RCN3: variants seen among roughly 807,000 people sequenced by gnomAD.
The protein encoded by RCN3 is reticulocalbin-3.
A neutral mutation model predicts 35.9 loss-of-function variants in RCN3; 41 were observed. That is an observed-to-expected ratio of 1.14 (90% CI 0.89 to 1.48). The LOEUF (loss-of-function observed/expected upper bound fraction) is 1.48. Among genes scored for constraint, RCN3 ranks in the 40% most tolerant of loss-of-function variants. The pLI is 0.00. For missense variants in RCN3, 451 were observed against 471.3 expected, an observed-to-expected ratio of 0.96 and a Z score of 0.40; for synonymous variants, 187 against 193.4, an observed-to-expected ratio of 0.97 and a Z score of 0.27.
At chr19:49,530,986 A>G (rs2080105954) in intron 2 of RCN3, among the ~76,000 whole-genome samples, 2 of 152,098 alleles carry the variant, frequency 1.3e-5, no homozygotes, top group Non-Finnish European at 2.9e-5. Flanking sequence ...GCTGGAACTC[A>G]GTGAGAAAGG....
At position 49,534,190 on chromosome 19, in the gene RCN3, T is replaced by C; in HGVS notation, c.243-3T>C. ...CCTGACGTGTGCCCGCCCCGGCTTCTAGGCGGATCGTGGACCGCATGGACC... is the reference window on the plus strand; with the variant it reads ...CCTGACGTGTGCCCGCCCCGGCTTCCAGGCGGATCGTGGACCGCATGGACC... On this transcript the variant is annotated splice_region_variant and splice_polypyrimidine_tract_variant and intron_variant, in intron 2 of 6. Transcript: ENST00000270645. 1 of 1,487,700 alleles carries C rather than the reference T, an allele frequency of 6.7e-7. No individual in the cohort carries two copies. 92.2% of individuals were successfully genotyped at this position (1,487,700 alleles called of 1,614,324 possible).
intron 6 of RCN3, 90 bp from the exon 7 acceptor site, chr19:49,543,016 T>A (rs2080170964): frequency 9.2e-7 from 1 of 1,084,302 alleles, no homozygotes; most frequent in South Asian, 1.3e-5. Flanking sequence ...AGAACAAGGG[T>A]CCCAGAGACT....
intron 1 of RCN3, 66 bp from the exon 2 acceptor site, chr19:49,528,401 A>G: frequency 7.2e-7 from 1 of 1,384,452 alleles, no homozygotes; most frequent in Non-Finnish European, 9.5e-7. Context: ...CCACCCCGCC[A>G]TTCTCCTATC....
Position 49,543,223 on chromosome 19 carries a change from A to G in RCN3, c.*10A>G, listed in dbSNP as rs781385119. The G allele has an allele frequency of 6.4e-7, 1 of 1,568,888 alleles. No homozygotes were observed. Among genetic ancestry groups the G allele is most frequent in the Admixed American group, 1.8e-5 (1 of 54,360 alleles). On this transcript the variant is annotated 3_prime_UTR_variant, in exon 7 of 7. Coordinates refer to ENST00000270645, the MANE Select transcript of RCN3 (RefSeq NM_020650.3). ...CCACGATGAGCTGTGAGCACCGCGC[A>G]CCTGCCACAGCCTCAGAGGCCCGCA...
chr19:49,532,597 C>T (rs536242350), intron 2 of RCN3, among the ~76,000 whole-genome samples: 26 of 152,304 alleles, frequency 1.7e-4, no homozygotes, highest in African/African-American at 6.0e-4. Flanking sequence ...TGGTCTGGAA[C>T]TCCTCACCTC....
At chr19:49,537,990 C>CTTT (rs771610301) in intron 4 of RCN3, among the ~76,000 whole-genome samples, 1 of 142,462 alleles carries the variant, frequency 7.0e-6, no homozygotes, top group South Asian at 2.2e-4. Context: ...TTTCCTTCCT[C>CTTT]TTTTTTTTTT....
At chr19:49,533,646 C>G (rs1314814189) in intron 2 of RCN3, among the ~76,000 whole-genome samples, 1 of 145,056 alleles carries the variant, frequency 6.9e-6, no homozygotes, top group Non-Finnish European at 1.5e-5. Context: ...CCACGGGGCT[C>G]AGCACAGGGC....
Position 49,528,482 on chromosome 19 carries a change from C to A in RCN3, c.10C>A (p.Arg4=). 6.6e-7 allele frequency: 1 copy of A among 1,506,732 alleles called. No homozygotes were observed. The highest frequency in any genetic ancestry group is 8.9e-7 in the Non-Finnish European group (1 of 1,127,496). The allele number at this position is 1,506,732 out of a possible 1,614,324, so 93.3% of individuals were successfully genotyped here. Residue 4 remains arginine (R), a synonymous_variant, in exon 2 of 7, where the codon CGA becomes AGA. Transcript: ENST00000270645. MMW[R]PSVLLLLLLL... ...CACTCCCCAGGGACCGATGATGTGGCGACCATCAGTTCTGCTGCTTCTGTT... is the reference window on the plus strand; with the variant it reads ...CACTCCCCAGGGACCGATGATGTGGAGACCATCAGTTCTGCTGCTTCTGTT...
chr19:49,535,108 TG>T (rs1362408457), intron 3 of RCN3, among the ~76,000 whole-genome samples: 9 of 152,090 alleles, frequency 5.9e-5, no homozygotes, highest in Non-Finnish European at 7.4e-5. Context: ...CTCCCCCTCC[TG>T]GGCCCCCAGG....
At chr19:49,535,252 G>A (rs1307121914) in intron 3 of RCN3, among the ~76,000 whole-genome samples, 1 of 151,974 alleles carries the variant, frequency 6.6e-6, no homozygotes, top group Non-Finnish European at 1.5e-5. Context: ...TGCCCATATT[G>A]TTCCCTCCAG....
At chr19:49,539,742 T>G (rs939000693) in intron 5 of RCN3, among the ~76,000 whole-genome samples, 2 of 120,142 alleles carry the variant, frequency 1.7e-5, no homozygotes, top group African/African-American at 7.7e-5. Flanking sequence ...TTTTTTTTTT[T>G]GAGACAGTTT....
rs773792781 is a variant in RCN3 at position 49,537,095 on chromosome 19, C to T, written c.508C>T (p.Arg170Trp). ...TYKKMLARDERRFRVADQDGD... is the reference protein window; with the variant it reads ...TYKKMLARDEWRFRVADQDGD... The stretch of plus-strand genomic sequence containing the variant: ...CAAAAAGATGCTGGCTCGGGACGAG[C>T]GGCGTTTCCGGGTGGCCGACCAGGA... Residue 170 changes from arginine to tryptophan, a missense_variant, in exon 4 of 7, where the codon CGG becomes TGG. Physicochemically the swap from Arg to Trp is moderately radical, Grantham distance 101. Transcript: ENST00000270645. 58 of 1,595,958 alleles carry T rather than the reference C, an allele frequency of 3.6e-5. No individual in the cohort carries two copies. The highest frequency in any genetic ancestry group is 1.7e-4 in the Middle Eastern group (1 of 6,028).
chr19:49,536,405 A>G (rs1185760876), intron 3 of RCN3, among the ~76,000 whole-genome samples: 1 of 149,250 alleles, frequency 6.7e-6, no homozygotes, highest in Admixed American at 6.8e-5. Flanking sequence ...GGTTCAAGCA[A>G]TTCTCCTGCC....
chr19:49,538,438 A>C (rs1408067093), intron 4 of RCN3, among the ~76,000 whole-genome samples: 1 of 150,050 alleles, frequency 6.7e-6, no homozygotes, highest in Non-Finnish European at 1.5e-5. Flanking sequence ...AAGTGCTGGG[A>C]TTACAGTTGT....
At chr19:49,529,227 A>G (rs908743847) in intron 2 of RCN3, among the ~76,000 whole-genome samples, 1 of 152,140 alleles carries the variant, frequency 6.6e-6, no homozygotes, top group Non-Finnish European at 1.5e-5. Context: ...GGGCAGCAAA[A>G]TCTGGGTTAG....
intron 2 of RCN3, among the ~76,000 whole-genome samples, chr19:49,529,723 T>TG (rs55928285): frequency 0.12 from 17,516 of 151,752 alleles, 1,237 homozygotes; most frequent in East Asian, 0.19. Context: ...AGGTTGTTGG[T>TG]GGGGGGGAGT....
chr19:49,531,026 G>T (rs1400754587), intron 2 of RCN3, among the ~76,000 whole-genome samples: 1 of 152,158 alleles, frequency 6.6e-6, no homozygotes, highest in African/African-American at 2.4e-5. Flanking sequence ...GGCAGAGAAG[G>T]AGCAAAGGGG....
At chr19:49,542,783 G>T in intron 6 of RCN3, 31 bp downstream of exon 6, 1 of 1,546,352 alleles carries the variant, frequency 6.5e-7, no homozygotes, top group South Asian at 1.2e-5. Flanking sequence ...CAGGAGCGAG[G>T]AGCGGGTGGG....
In RCN3 at chr19:49,537,096, G is replaced by A. The variant is rs150891366; in HGVS notation, c.509G>A (p.Arg170Gln). 1,775 of 1,596,512 alleles carry A rather than the reference G, an allele frequency of 1.1e-3. 16 individuals are homozygous for A. In the African/African-American group the frequency reaches 0.021, roughly 19 times the overall value. Residue 170 changes from arginine (R) to glutamine (Q), a missense_variant, in exon 4 of 7, where the codon CGG becomes CAG. Arg to Gln is a conservative substitution (Grantham distance 43). Transcript: ENST00000270645. ...TYKKMLARDERRFRVADQDGD... is the reference protein window; with the variant it reads ...TYKKMLARDEQRFRVADQDGD... ...AAAAAGATGCTGGCTCGGGACGAGC[G>A]GCGTTTCCGGGTGGCCGACCAGGAT... is the stretch of plus-strand genomic sequence containing the variant.
Sources: gnomAD v4.1 joint callset for allele counts (sites outside exome capture counted in the v4.1 genomes callset) on GRCh38, gnomAD v4.1.1 for gene constraint, MANE v1.5 for transcripts, NCBI Gene and HGNC (gene_info 2026-07-23, HGNC 2026-07-21) for gene names.